SUMF1: variants seen among roughly 807,000 people sequenced by gnomAD.
SUMF1 encodes formylglycine-generating enzyme.
In SUMF1, 48 loss-of-function variants were observed where a neutral mutation model predicts 47.6. The ratio of observed to expected loss-of-function variants is 1.01; its 90% CI spans 0.80 to 1.28. The LOEUF (loss-of-function observed/expected upper bound fraction) is 1.28, where lower values mean the gene tolerates loss of function less well. SUMF1 is among the 50% of genes most tolerant of loss of function. The probability of loss-of-function intolerance (pLI) is 0.00; values close to 1 mark genes in which losing one functional copy is unlikely to be tolerated. For synonymous variants in SUMF1, 230 were observed against 192.1 expected, an observed-to-expected ratio of 1.20 and a Z score of -1.63; for missense variants, 571 against 485.4, an observed-to-expected ratio of 1.18 and a Z score of -1.66.
chr3:4,217,329 A>G (rs963969602), intron 8 of SUMF1, among the ~76,000 whole-genome samples: 3 of 149,394 alleles, frequency 2.0e-5, no homozygotes, highest in Non-Finnish European at 4.4e-5. Context: ...ACACATGGAC[A>G]TAGGGAGGGG....
At position 4,162,410 on chromosome 3, in the gene SUMF1, G is replaced by T. The variant is rs7614512; in HGVS notation, c.1015-93665C>A. On this transcript the variant is annotated intron_variant and NMD_transcript_variant, in intron 8 of 12. Transcript: ENST00000448413. ...TAGGACTTGCAGTCCTTGTGGCCTA[G>T]ACTGCCTTTCAAGTTTATTTAGGAA... Among the ~76,000 whole-genome samples the T allele has an allele frequency of 8.9e-4, 135 of 152,296 alleles. 1 individual carries two copies. The highest frequency in any genetic ancestry group is 3.0e-3 in the African/African-American group (126 of 41,550).
chr3:4,152,576 A>G (rs1694361551), intron 8 of SUMF1, among the ~76,000 whole-genome samples: 1 of 151,368 alleles, frequency 6.6e-6, no homozygotes, highest in African/African-American at 2.5e-5. Context: ...TACAGGCATG[A>G]GCCACCGTGC....
intron 8 of SUMF1, among the ~76,000 whole-genome samples, chr3:4,354,339 C>A (rs535558910): frequency 1.3e-5 from 2 of 152,172 alleles, no homozygotes; most frequent in East Asian, 3.9e-4. Flanking sequence ...CTTGAACAGG[C>A]AGATCAACAC....
chr3:4,271,791 C>T lies in SUMF1; in HGVS notation c.1014+104539G>A, dbSNP rs1051066189. ...TGCTGGGATTACAAGAATGAGCCAA[C>T]CTGGTCTATGCCATCAATTTAAACA... On this transcript the variant is annotated intron_variant and NMD_transcript_variant, in intron 8 of 12. Coordinates refer to the SUMF1 transcript ENST00000448413. 2.6e-5 allele frequency among the ~76,000 whole-genome samples: 4 copies of T among 152,182 alleles called. No homozygotes were observed. In the East Asian group the frequency reaches 5.8e-4, roughly 22 times the overall value.
intron 8 of SUMF1, among the ~76,000 whole-genome samples, chr3:4,272,168 T>C (rs1422278277): frequency 6.6e-6 from 1 of 152,192 alleles, no homozygotes; most frequent in Non-Finnish European, 1.5e-5. Context: ...AAATGTAATC[T>C]GTAATATTTA....
rs541556714 is a variant in SUMF1, at chr3:4,410,722, G to A, written c.954+143C>T. 1.4e-4 allele frequency: 108 copies of A among 758,088 alleles called. 1 individual carries two copies. The highest frequency in any genetic ancestry group is 1.3e-3 in the Admixed American group (63 of 50,236). 47.0% of individuals were successfully genotyped at this position (758,088 alleles called of 1,614,324 possible). On this transcript the variant is annotated intron_variant, in intron 7 of 8. Transcript: ENST00000272902. ...TCTGAGGTTGAAATAAGAAACATGC[G>A]CTTAATGTGCCTTTAGGGAAATCCC...
intron 8 of SUMF1, among the ~76,000 whole-genome samples, chr3:4,087,547 TA>T (rs765787302): frequency 5.3e-5 from 8 of 152,226 alleles, no homozygotes; most frequent in Admixed American, 2.0e-4. Flanking sequence ...AATTAAACTA[TA>T]TTTTTCCAAA....
intron 8 of SUMF1, among the ~76,000 whole-genome samples, chr3:4,363,514 GCTCT>G (rs1323401226): frequency 6.6e-6 from 1 of 151,340 alleles, no homozygotes; most frequent in African/African-American, 2.4e-5. Flanking sequence ...TCATGATTTG[GCTCT>G]CTGTTTGTCT....
chr3:4,223,461 T>C (rs1043966400), intron 8 of SUMF1, among the ~76,000 whole-genome samples: 3 of 152,148 alleles, frequency 2.0e-5, no homozygotes, highest in Non-Finnish European at 4.4e-5. Flanking sequence ...GCCTGGAGCA[T>C]AGCAGCTGCT....
intron 7 of SUMF1, among the ~76,000 whole-genome samples, chr3:4,396,293 C>T (rs756045592): frequency 3.3e-5 from 5 of 152,194 alleles, no homozygotes; most frequent in Non-Finnish European, 4.4e-5. Context: ...ATAAATCATT[C>T]GACTATTCTA....
chr3:4,436,600 TAA>T (rs11313088), intron 3 of SUMF1, among the ~76,000 whole-genome samples: 1,624 of 144,342 alleles, frequency 0.011, 32 homozygotes, highest in African/African-American at 0.039. Flanking sequence ...AGTTGTTAAT[TAA>T]AAAAAAAAAA....
rs1699609610 is a variant in SUMF1, at chr3:4,355,970, C to T, written c.1014+20360G>A. ...TTCCAATCCTAAATAGGGCAAGTTTCAGGAAAGAGCATTTCTCATTTTACA... is the reference window on the plus strand; with the variant it reads ...TTCCAATCCTAAATAGGGCAAGTTTTAGGAAAGAGCATTTCTCATTTTACA... On this transcript the variant is annotated intron_variant and NMD_transcript_variant, in intron 8 of 12. Coordinates refer to the SUMF1 transcript ENST00000448413. Among the ~76,000 whole-genome samples the T allele has an allele frequency of 4.6e-5, 7 of 152,328 alleles. No homozygotes were observed. In the South Asian group the frequency reaches 1.4e-3, roughly 32 times the overall value.
At chr3:4,163,922 A>C (rs1436088850) in intron 8 of SUMF1, among the ~76,000 whole-genome samples, 1 of 152,126 alleles carries the variant, frequency 6.6e-6, no homozygotes, top group African/African-American at 2.4e-5. Context: ...CCTGGAACAC[A>C]CACAAGCCTG....
At chr3:4,075,066 C>G (rs145097166) in intron 8 of SUMF1, among the ~76,000 whole-genome samples, 1 of 152,214 alleles carries the variant, frequency 6.6e-6, no homozygotes, top group African/African-American at 2.4e-5. Context: ...AGGCCAATAT[C>G]CCTGATGAAC....
intron 6 of SUMF1, among the ~76,000 whole-genome samples, chr3:4,416,304 A>G (rs192399273): frequency 7.9e-4 from 118 of 149,210 alleles, no homozygotes; most frequent in African/African-American, 2.5e-3. Flanking sequence ...TTCACTGTAG[A>G]AAAAAAAAAC....
chr3:4,371,386 A>G (rs1700162467), intron 8 of SUMF1, among the ~76,000 whole-genome samples: 1 of 152,234 alleles, frequency 6.6e-6, no homozygotes, highest in Non-Finnish European at 1.5e-5. Context: ...ATTTAAGATA[A>G]TGACTTACCA....
chr3:4,418,055 G>A lies in SUMF1; in HGVS notation c.680C>T (p.Thr227Met), dbSNP rs566145117. 31 of 1,613,908 alleles carry A rather than the reference G, an allele frequency of 1.9e-5. No individual in the cohort carries two copies. The highest frequency in any genetic ancestry group is 6.7e-5 in the African/African-American group (5 of 74,908). ...ACAGCTGTATTCCCACTCAGCTTCC[G>A]TGGGCAGCCGCTTCCCTGCCCAAGT... is the stretch of plus-strand genomic sequence containing the variant. ...YCTWAGKRLP[T>M]EAEWEYSCRG... The change falls in exon 5 of 9, where the codon ACG (threonine) becomes ATG (methionine). Residue 227 changes from threonine to methionine, a missense_variant. Coordinates refer to ENST00000272902, the MANE Select transcript of SUMF1 (RefSeq NM_182760.4).
intron 8 of SUMF1, among the ~76,000 whole-genome samples, chr3:4,325,033 ACT>A (rs1170295964): frequency 6.6e-6 from 1 of 151,560 alleles, no homozygotes; most frequent in East Asian, 1.9e-4. Flanking sequence ...GTGCAGGAAA[ACT>A]CTCCCTTACA....
chr3:4,079,431 C>T (rs1050673887), intron 8 of SUMF1, among the ~76,000 whole-genome samples: 2 of 151,920 alleles, frequency 1.3e-5, no homozygotes, highest in Admixed American at 6.6e-5. Flanking sequence ...AAGGTACATG[C>T]CTGACATGTA....
Sources: allele counts gnomAD v4.1 joint callset (sites outside exome capture counted in the v4.1 genomes callset), GRCh38; gene constraint gnomAD v4.1.1; transcripts MANE v1.5; gene names NCBI Gene and HGNC (gene_info 2026-07-23, HGNC 2026-07-21).